The following MRPL44 variants were observed in gnomAD, a reference collection of about 807,000 sequenced individuals.
MRPL44 encodes the protein mitochondrial ribosomal protein L44, also known as large ribosomal subunit protein mL44.
A neutral mutation model predicts 25.9 loss-of-function variants in MRPL44; 21 were observed. The observed-to-expected ratio is 0.81, with a 90% confidence interval of 0.58 to 1.17. The LOEUF (loss-of-function observed/expected upper bound fraction) is 1.17, where lower values mean the gene tolerates loss of function less well. Ranked by LOEUF, MRPL44 falls within the 50% of genes most tolerant of loss-of-function variation. The pLI is 0.00. For missense variants in MRPL44, 410 were observed against 398.9 expected, an observed-to-expected ratio of 1.03 and a Z score of -0.24; for synonymous variants, 169 against 151.0, an observed-to-expected ratio of 1.12 and a Z score of -0.87.
intron 3 of MRPL44, among the ~76,000 whole-genome samples, chr2:223,966,600 C>G (rs920520758): frequency 6.6e-6 from 1 of 152,120 alleles, no homozygotes; most frequent in Non-Finnish European, 1.5e-5. Context: ...CAATTGAAAA[C>G]CTAGATACGA....
upstream of MRPL44, among the ~76,000 whole-genome samples, chr2:223,952,553 A>G (rs369195966): frequency 6.5e-4 from 99 of 152,320 alleles, no homozygotes; most frequent in African/African-American, 2.2e-3. Flanking sequence ...CAATTATGGC[A>G]ATACTGATAC....
intron 3 of MRPL44, 116 bp downstream of exon 3, chr2:223,964,050 C>A: frequency 1.3e-6 from 1 of 754,170 alleles, no homozygotes; most frequent in South Asian, 2.0e-5. Context: ...ATAACCTCTT[C>A]AGATTCCTTA....
chr2:223,966,290 G>A (rs1446129124), intron 3 of MRPL44, among the ~76,000 whole-genome samples: 2 of 150,418 alleles, frequency 1.3e-5, no homozygotes, highest in Non-Finnish European at 2.9e-5. Flanking sequence ...TTCTTAATTT[G>A]AAATATAGAG....
chr2:223,964,575 TA>T (rs1689714772), intron 3 of MRPL44, among the ~76,000 whole-genome samples: 1 of 152,214 alleles, frequency 6.6e-6, no homozygotes, highest in Non-Finnish European at 1.5e-5. Flanking sequence ...GATAGTGTTG[TA>T]TAAAGTTTTA....
At position 223,959,556 on chromosome 2, in the gene MRPL44, T is replaced by G. The variant is rs1478961757; in HGVS notation, c.202T>G (p.Tyr68Asp). The change falls in exon 2 of 4, where the codon TAC becomes GAC. Residue 68 changes from tyrosine to aspartate, a missense_variant. Transcript: ENST00000258383. ...VRRSEKPNWD[Y>D]HAEIQAFGHR... ...CAGTTCAGAGAAGCCGAACTGGGAT[T>G]ACCATGCAGAAATACAAGCTTTTGG... 1 of 1,611,040 alleles carries G rather than the reference T, an allele frequency of 6.2e-7. No homozygotes were observed. Among genetic ancestry groups the G allele is most frequent in the Admixed American group, 1.7e-5 (1 of 59,472 alleles).
chr2:223,957,928 C>T (rs1689597781), intron 1 of MRPL44, among the ~76,000 whole-genome samples: 1 of 152,144 alleles, frequency 6.6e-6, no homozygotes, highest in African/African-American at 2.4e-5. Flanking sequence ...GAGGGTCTTC[C>T]TTATGTGGAC....
the MRPL44 span, among the ~76,000 whole-genome samples, chr2:223,951,478 G>GTTTTTTTTTTTTTT: frequency 8.9e-6 from 1 of 112,560 alleles, no homozygotes; most frequent in African/African-American, 3.4e-5. Flanking sequence ...TTACCTTGGA[G>GTTTTTTTTTTTTTT]TTTTTTTTTT....
intron 3 of MRPL44, chr2:223,965,959 A>G (rs1213257524): frequency 2.6e-5 from 4 of 151,880 alleles, no homozygotes; most frequent in African/African-American, 9.7e-5. Flanking sequence ...TGGTCTCCCA[A>G]AGTGTTGGTG....
At chr2:223,951,489 T>TTTGTTTTTTTTTTTTTG in the MRPL44 span, among the ~76,000 whole-genome samples, 4 of 148,260 alleles carry the variant, frequency 2.7e-5, no homozygotes, top group Admixed American at 2.7e-4. Flanking sequence ...TTTTTTTTTT[T>TTTGTTTTTTTTTTTTTG]TTTTTTTTCA....
intron 2 of MRPL44, among the ~76,000 whole-genome samples, chr2:223,963,364 G>A (rs1017435093): frequency 6.6e-6 from 1 of 151,978 alleles, no homozygotes; most frequent in African/African-American, 2.4e-5. Context: ...GATTGCTTGA[G>A]CCCAGGAGGT....
Position 223,959,558 on chromosome 2 carries a change from C to G in MRPL44, c.204C>G (p.Tyr68Ter). The change falls in exon 2 of 4, where the codon TAC (tyrosine) becomes TAG (stop). Residue 68 changes from tyrosine (Y) to a stop codon, truncating the protein, a stop_gained. Transcript: ENST00000258383. LOFTEE classifies it high-confidence loss of function. ...VRRSEKPNWDYHAEIQAFGHR... is the reference protein window; with the variant it reads ...VRRSEKPNWD ...GTTCAGAGAAGCCGAACTGGGATTA[C>G]CATGCAGAAATACAAGCTTTTGGAC... 1 of 1,611,692 alleles carries G rather than the reference C, an allele frequency of 6.2e-7. No homozygotes were observed. The highest frequency in any genetic ancestry group is 1.1e-5 in the South Asian group (1 of 90,688).
intron 3 of MRPL44, among the ~76,000 whole-genome samples, chr2:223,964,156 ATC>A (rs1354953956): frequency 6.6e-6 from 1 of 152,210 alleles, no homozygotes; most frequent in Non-Finnish European, 1.5e-5. Flanking sequence ...CTTAGGAAGA[ATC>A]TGAGTTTTGC....
chr2:223,957,320 C>T, upstream of MRPL44: 2 of 915,532 alleles, frequency 2.2e-6, no homozygotes, highest in Non-Finnish European at 3.4e-6. Context: ...GGGGCTGTCT[C>T]CGCCCCTGCC....
intron 3 of MRPL44, among the ~76,000 whole-genome samples, chr2:223,965,394 G>A (rs1199953782): frequency 6.6e-6 from 1 of 151,950 alleles, no homozygotes; most frequent in Non-Finnish European, 1.5e-5. Context: ...TTTGGTTTCG[G>A]TCTTCACTTT....
intron 2 of MRPL44, 24 bp from the exon 3 acceptor site, chr2:223,963,732 T>C (rs1429287700): frequency 6.9e-7 from 1 of 1,451,608 alleles, no homozygotes; most frequent in Non-Finnish European, 9.2e-7. Context: ...AATTAAAATG[T>C]ATAAATTATA....
At chr2:223,965,918 T>A (rs528045582) in intron 3 of MRPL44, 1 of 152,182 alleles carries the variant, frequency 6.6e-6, no homozygotes, top group East Asian at 1.9e-4. Context: ...GTCTGATCCC[T>A]AACTCCTGGG....
chr2:223,951,484 T>G, the MRPL44 span, among the ~76,000 whole-genome samples: 11 of 144,718 alleles, frequency 7.6e-5, no homozygotes, highest in East Asian at 2.0e-4. Context: ...TGGAGTTTTT[T>G]TTTTTTTTTT....
chr2:223,956,319 C>T (rs1689563003), upstream of MRPL44, among the ~76,000 whole-genome samples: 1 of 152,166 alleles, frequency 6.6e-6, no homozygotes, highest in African/African-American at 2.4e-5. Flanking sequence ...TGAGATGAAC[C>T]ATTTAGATTC....
the MRPL44 span, among the ~76,000 whole-genome samples, chr2:223,951,502 CAG>C: frequency 3.3e-3 from 165 of 50,216 alleles, no homozygotes; most frequent in African/African-American, 0.01. Flanking sequence ...TTTTTTCAGA[CAG>C]AGTCTCGCTC....
Sources: gnomAD v4.1 joint callset for allele counts (sites outside exome capture counted in the v4.1 genomes callset) on GRCh38, gnomAD v4.1.1 for gene constraint, MANE v1.5 for transcripts, NCBI Gene and HGNC (gene_info 2026-07-23, HGNC 2026-07-21) for gene names.